FBLN2: variants seen among roughly 807,000 people sequenced by gnomAD.
The protein encoded by FBLN2 is fibulin-2.
A neutral mutation model predicts 123.7 loss-of-function variants in FBLN2; 81 were observed. The observed-to-expected ratio is 0.65, with a 90% CI of 0.55 to 0.79. FBLN2 has a LOEUF of 0.79. Ranked by LOEUF, FBLN2 falls within the 30% of genes least tolerant of loss-of-function variation. FBLN2 has a pLI of 0.00. For synonymous variants in FBLN2, 699 were observed against 701.4 expected, an observed-to-expected ratio of 1.00 and a Z score of 0.05; for missense variants, 1,603 against 1,681.3, an observed-to-expected ratio of 0.95 and a Z score of 0.81.
intron 2 of FBLN2, among the ~76,000 whole-genome samples, chr3:13,602,893 C>T (rs551459288): frequency 6.6e-6 from 1 of 151,386 alleles, no homozygotes; most frequent in African/African-American, 2.4e-5. Flanking sequence ...ATTTCTTTGG[C>T]CCTTTTTTCT....
chr3:13,570,847 C>T lies in FBLN2; in HGVS notation c.492C>T (p.Asp164=), dbSNP rs368602684. Residue 164 remains aspartate, a synonymous_variant, in exon 2 of 18, where the codon GAC becomes GAT. Coordinates refer to ENST00000404922, the MANE Select transcript of FBLN2 (RefSeq NM_001004019.2). ...LPPCRACHCP[D]AGGELICYQL... The stretch of plus-strand genomic sequence containing the variant: ...CCTGCCGGGCCTGCCACTGCCCTGA[C>T]GCCGGTGGAGAGCTCATCTGCTACC... 10 of 1,608,996 alleles carry T rather than the reference C, an allele frequency of 6.2e-6. No individual in the cohort carries two copies. In the African/African-American group the frequency reaches 6.7e-5, roughly 11 times the overall value.
At position 13,626,536 on chromosome 3, in the gene FBLN2, C is replaced by G; in HGVS notation, c.2388C>G (p.Leu796=). 1 of 1,555,340 alleles carries G rather than the reference C, an allele frequency of 6.4e-7. No homozygotes were observed. Among genetic ancestry groups the G allele is most frequent in the Middle Eastern group, 1.7e-4 (1 of 5,990 alleles). ...GCTCCTTCCACTGCTACAAGGCACT[C>G]ACCTGTGAGCCAGGCTATGCCCTCA... is the stretch of plus-strand genomic sequence containing the variant. ...TLGSFHCYKA[L]TCEPGYALKD... is the part of the protein sequence containing the mutation. The change falls in exon 10 of 18, where the codon CTC becomes CTG. Residue 796 remains leucine, a synonymous_variant. Transcript: ENST00000404922.
chr3:13,627,376 A>G (rs1706081421), intron 10 of FBLN2, among the ~76,000 whole-genome samples: 1 of 151,922 alleles, frequency 6.6e-6, no homozygotes, highest in African/African-American at 2.4e-5. Flanking sequence ...TACCTTAGAG[A>G]TTTAGGCACA....
Position 13,629,239 on chromosome 3 carries a change from G to A in FBLN2, c.2789G>A (p.Arg930His), listed in dbSNP as rs201340643. 1.1e-5 allele frequency: 17 copies of A among 1,613,078 alleles called. No homozygotes were observed. Among genetic ancestry groups the A allele is most frequent in the Admixed American group, 5.0e-5 (3 of 59,980 alleles). ...QVCHNLPGSY[R>H]CDCKAGFQRD... ...TGCCACAACCTCCCTGGCTCCTACC[G>A]CTGTGACTGCAAAGCCGGCTTTCAG... The change falls in exon 13 of 18, where the codon CGC (arginine) becomes CAC (histidine). Residue 930 changes from arginine to histidine, a missense_variant. Coordinates refer to ENST00000404922, the MANE Select transcript of FBLN2 (RefSeq NM_001004019.2).
In FBLN2 at chr3:13,571,194, A is replaced by C; in HGVS notation, c.839A>C (p.Glu280Ala). Reference protein sequence around the residue: ...ARRVTEDSEEEEEEEEEREEM... With the variant: ...ARRVTEDSEEAEEEEEEREEM... ...AGAGTGACCGAGGACAGTGAGGAGG[A>C]AGAAGAGGAGGAGGAGGAGAGAGAG... The change falls in exon 2 of 18, where the codon GAA (glutamate) becomes GCA (alanine). Residue 280 changes from glutamate (E) to alanine (A), a missense_variant. Physicochemically the swap from Glu to Ala is moderately radical, Grantham distance 107. Coordinates refer to ENST00000404922, the MANE Select transcript of FBLN2 (RefSeq NM_001004019.2). 6.4e-7 allele frequency: 1 copy of C among 1,569,740 alleles called. No homozygotes were observed. Among genetic ancestry groups the C allele is most frequent in the Middle Eastern group, 1.7e-4 (1 of 6,010 alleles).
chr3:13,592,486 T>C (rs72624452), intron 2 of FBLN2, among the ~76,000 whole-genome samples: 12,108 of 152,278 alleles, frequency 0.08, 618 homozygotes, highest in East Asian at 0.25. Flanking sequence ...TCTGGGTCCT[T>C]TGCATTTCCA....
In FBLN2 at chr3:13,609,506, G is replaced by T; in HGVS notation, c.1419-7G>T. ...GACTGGGGGCTAAGTTACCCCCTCT[G>T]TTTCAGGACAGCCCAGAGGCACTGC... is the stretch of plus-strand genomic sequence containing the variant. On this transcript the variant is annotated splice_region_variant and splice_polypyrimidine_tract_variant and intron_variant, in intron 3 of 17. Coordinates refer to ENST00000404922, the MANE Select transcript of FBLN2 (RefSeq NM_001004019.2). The T allele has an allele frequency of 6.5e-7, 1 of 1,541,970 alleles. No individual in the cohort carries two copies. The highest frequency in any genetic ancestry group is 8.7e-7 in the Non-Finnish European group (1 of 1,143,220).
At chr3:13,621,317 T>G (rs1238138807) in intron 8 of FBLN2, among the ~76,000 whole-genome samples, 2 of 152,254 alleles carry the variant, frequency 1.3e-5, no homozygotes, top group East Asian at 3.8e-4. Flanking sequence ...GTGTGAAATC[T>G]GCATACAAGG....
At chr3:13,630,631 C>A in intron 14 of FBLN2, 68 bp from the exon 15 acceptor site, 1 of 1,328,010 alleles carries the variant, frequency 7.5e-7, no homozygotes, top group Non-Finnish European at 1.1e-6. Flanking sequence ...GGCTGTCAGA[C>A]AGCATTTGGA....
At chr3:13,579,376 T>C (rs1464988528) in intron 2 of FBLN2, among the ~76,000 whole-genome samples, 1 of 152,208 alleles carries the variant, frequency 6.6e-6, no homozygotes, top group African/African-American at 2.4e-5. Context: ...GGAGAGTGTA[T>C]GAAGAAGGCA....
intron 2 of FBLN2, among the ~76,000 whole-genome samples, chr3:13,579,522 G>C (rs117919247): frequency 9.9e-5 from 15 of 152,266 alleles, no homozygotes; most frequent in African/African-American, 3.4e-4. Flanking sequence ...GTGCGTGCAC[G>C]TATTTTCACA....
At chr3:13,610,716 A>G (rs948295034) in intron 4 of FBLN2, among the ~76,000 whole-genome samples, 3 of 152,022 alleles carry the variant, frequency 2.0e-5, no homozygotes, top group African/African-American at 4.8e-5. Context: ...TTCCTGGAAC[A>G]CTGGTTTTTC....
chr3:13,550,972 T>C (rs1703306188), intron 1 of FBLN2, among the ~76,000 whole-genome samples: 1 of 152,224 alleles, frequency 6.6e-6, no homozygotes, highest in African/African-American at 2.4e-5. Flanking sequence ...CGTCTTCTCT[T>C]GAAAAGTCAC....
chr3:13,569,623 C>G (rs1472050881), intron 1 of FBLN2, among the ~76,000 whole-genome samples: 3 of 151,984 alleles, frequency 2.0e-5, no homozygotes, highest in East Asian at 1.9e-4. Context: ...GGGAGGGGGA[C>G]AGGAGCGTCC....
At position 13,637,579 on chromosome 3, in the gene FBLN2, C is replaced by T. The variant is rs767112779; in HGVS notation, c.3356C>T (p.Thr1119Met). 6.8e-6 allele frequency: 11 copies of T among 1,608,770 alleles called. No individual in the cohort carries two copies. Among genetic ancestry groups the T allele is most frequent in the East Asian group, 2.2e-5 (1 of 44,788 alleles). The change falls in exon 18 of 18, where the codon ACG (threonine) becomes ATG (methionine). Residue 1119 changes from threonine to methionine, a missense_variant. Physicochemically the swap from Thr to Met is moderately conservative, Grantham distance 81. Transcript: ENST00000404922. Reference protein sequence around the residue: ...QVSKTKCERTTCHDFLECQNS... With the variant: ...QVSKTKCERTMCHDFLECQNS... The stretch of plus-strand genomic sequence containing the variant: ...CCCTGCAGGAAGTGCGAGCGCACCA[C>T]GTGCCATGACTTCCTGGAGTGCCAG...
chr3:13,612,689 T>C (rs1054679764), intron 4 of FBLN2, among the ~76,000 whole-genome samples: 1 of 152,166 alleles, frequency 6.6e-6, no homozygotes, highest in African/African-American at 2.4e-5. Context: ...CCAGTTCTCT[T>C]TTCTTAGCCT....
At chr3:13,615,311 G>T (rs1259910800) in intron 5 of FBLN2, among the ~76,000 whole-genome samples, 1 of 152,236 alleles carries the variant, frequency 6.6e-6, no homozygotes, top group East Asian at 1.9e-4. Flanking sequence ...AGCCTCAACT[G>T]GTTGGGGACC....
chr3:13,619,300 A>C (rs953164494), intron 7 of FBLN2, among the ~76,000 whole-genome samples: 2 of 152,164 alleles, frequency 1.3e-5, no homozygotes, highest in African/African-American at 4.8e-5. Context: ...GAGGTAGTCA[A>C]ATCCTGGTTT....
At position 13,571,419 on chromosome 3, in the gene FBLN2, G is replaced by T. The variant is rs1193829031; in HGVS notation, c.1064G>T (p.Gly355Val). Residue 355 changes from glycine (G) to valine (V), a missense_variant, in exon 2 of 18, where the codon GGC (glycine) becomes GTC (valine). Transcript: ENST00000404922. ...QATSRSTGPE[G>V]VTHAPSLGKA... ...ACGTCCCGCAGCACTGGGCCGGAGG[G>T]CGTGACGCATGCACCGAGCCTGGGC... 5 of 1,613,002 alleles carry T rather than the reference G, an allele frequency of 3.1e-6. No homozygotes were observed. Among genetic ancestry groups the T allele is most frequent in the Non-Finnish European group, 4.2e-6 (5 of 1,179,602 alleles).
Sources: allele counts gnomAD v4.1 joint callset (sites outside exome capture counted in the v4.1 genomes callset), GRCh38; gene constraint gnomAD v4.1.1; transcripts MANE v1.5; gene names NCBI Gene and HGNC (gene_info 2026-07-23, HGNC 2026-07-21).